ACADS: variants seen among roughly 807,000 people sequenced by gnomAD.
ACADS encodes the protein acyl-CoA dehydrogenase short chain.
A neutral mutation model predicts 46.8 loss-of-function variants in ACADS; 28 were observed. The ratio of observed to expected loss-of-function variants is 0.60; its 90% CI spans 0.44 to 0.82. The LOEUF (loss-of-function observed/expected upper bound fraction) is 0.82. Ranked by LOEUF, ACADS falls within the 40% of genes least tolerant of loss-of-function variation. The pLI, the probability that ACADS is intolerant of heterozygous loss-of-function variation, is 0.00. For synonymous variants in ACADS, 236 were observed against 237.7 expected (o/e 0.99, Z 0.07); for missense variants, 528 against 578.0 (o/e 0.91, Z 0.89).
At chr12:120,729,296 C>T (rs1182799122) in intron 2 of ACADS, among the ~76,000 whole-genome samples, 2 of 146,218 alleles carry the variant, frequency 1.4e-5, no homozygotes, top group Non-Finnish European at 3.0e-5. Context: ...CTCACTCTGT[C>T]CCCCAGGCTG....
intron 2 of ACADS, among the ~76,000 whole-genome samples, chr12:120,733,590 AAATGGTG>A: frequency 5.8e-5 from 3 of 51,840 alleles, no homozygotes; most frequent in East Asian, 6.8e-4. Context: ...GTGCCTGCTG[AAATGGTG>A]CCTGCTGAAA....
intron 2 of ACADS, among the ~76,000 whole-genome samples, 197 bp from the exon 3 acceptor site, chr12:120,736,789 A>G (rs1205240782): frequency 3.9e-5 from 6 of 152,080 alleles, no homozygotes; most frequent in Non-Finnish European, 7.4e-5. Context: ...GACAGCTTGA[A>G]TGAGAAGTGC....
At chr12:120,726,773 G>GCGGCC (rs1156867509) in intron 1 of ACADS, among the ~76,000 whole-genome samples, 4 of 152,336 alleles carry the variant, frequency 2.6e-5, no homozygotes, top group Admixed American at 6.5e-5. Context: ...GGCCGCCATG[G>GCGGCC]ACATTTTGGG....
At position 120,739,798 on chromosome 12, in the gene ACADS, G is replaced by T. The variant is rs1883601867; in HGVS notation, c.*350G>T. The T allele has an allele frequency of 5.9e-6, 2 of 341,248 alleles. No individual in the cohort carries two copies. Among genetic ancestry groups the T allele is most frequent in the African/African-American group, 2.1e-5 (1 of 47,414 alleles). 21.1% of individuals were successfully genotyped at this position (341,248 alleles called of 1,614,324 possible). Reference sequence around the variant, plus strand: ...TGAAGGCCCAGTGCGACAGGCCCTTGGTGGGGTCTGTCTTTTCCTTGAGGT... The same window carrying T: ...TGAAGGCCCAGTGCGACAGGCCCTTTGTGGGGTCTGTCTTTTCCTTGAGGT... On this transcript the variant is annotated 3_prime_UTR_variant, in exon 10 of 10. Transcript: ENST00000242592.
rs2136951183 is a variant in ACADS, at chr12:120,739,368, A to G, written c.1159A>G (p.Ile387Val). 2.5e-6 allele frequency: 4 copies of G among 1,612,980 alleles called. No homozygotes were observed. Among genetic ancestry groups the G allele is most frequent in the Admixed American group, 3.3e-5 (2 of 59,998 alleles). The change falls in exon 10 of 10, where the codon ATC becomes GTC. Residue 387 changes from isoleucine to valine, a missense_variant. Ile to Val is a conservative substitution (Grantham distance 29, BLOSUM62 3). Transcript: ENST00000242592. The part of the protein sequence containing the change: ...PAERHYRDAR[I>V]TEIYEGTSEI... ...AGAGCGGCACTACCGCGACGCCCGC[A>G]TCACTGAGATCTACGAGGGCACCAG...
At position 120,728,514 on chromosome 12, in the gene ACADS, T is replaced by A. The variant is rs867319680; in HGVS notation, c.210+1325T>A. On this transcript the variant is annotated intron_variant, in intron 2 of 9. Coordinates refer to ENST00000242592, the MANE Select transcript of ACADS (RefSeq NM_000017.4). This position sits in a 1 kb window ranked among gnomAD's most constrained non-coding sequence, Gnocchi z 4.0. The stretch of plus-strand genomic sequence containing the variant: ...TTAATTTTAATTTATTTTTTATTTT[T>A]AAAAATTTTTTGAGACAGTCTTGCT... Among the ~76,000 whole-genome samples, 5 of 151,834 alleles carry A rather than the reference T, an allele frequency of 3.3e-5. No individual in the cohort carries two copies. Among genetic ancestry groups the A allele is most frequent in the Non-Finnish European group, 5.9e-5 (4 of 67,976 alleles).
chr12:120,736,834 C>A, intron 2 of ACADS, 152 bp from the exon 3 acceptor site: 2 of 996,004 alleles, frequency 2.0e-6, no homozygotes, highest in Non-Finnish European at 2.9e-6. Context: ...GGGTCTTCAG[C>A]TTCTGGACTT....
At chr12:120,738,493 G>T in intron 6 of ACADS, 40 bp from the exon 7 acceptor site, 1 of 1,605,522 alleles carries the variant, frequency 6.2e-7, no homozygotes, top group Middle Eastern at 1.7e-4. Flanking sequence ...CCAGGCCCGC[G>T]CCCCGGCTGG....
In ACADS at chr12:120,725,900, G is replaced by A; in HGVS notation, c.15G>A (p.Leu5=). MAAA[L]LARASGPARR... is the part of the protein sequence containing the mutation. ...GTCTGTCGCCCATGGCCGCCGCGCTGCTCGCCCGGGCCTCGGGCCCTGCCC... is the reference window on the plus strand; with the variant it reads ...GTCTGTCGCCCATGGCCGCCGCGCTACTCGCCCGGGCCTCGGGCCCTGCCC... The change falls in exon 1 of 10, where the codon CTG becomes CTA. Residue 5 remains leucine (L), a synonymous_variant. Transcript: ENST00000242592. 6.4e-7 allele frequency: 1 copy of A among 1,556,210 alleles called. No homozygotes were observed. Among genetic ancestry groups the A allele is most frequent in the East Asian group, 2.4e-5 (1 of 41,934 alleles).
intron 3 of ACADS, 41 bp from the exon 4 acceptor site, chr12:120,737,315 C>A: frequency 6.3e-7 from 1 of 1,595,852 alleles, no homozygotes. Flanking sequence ...CAGGATGCGC[C>A]TGGGCCTGGG....
rs1322896033 is a variant in ACADS, at chr12:120,739,397, A to C, written c.1188A>C (p.Glu396Asp). The C allele has an allele frequency of 3.7e-5, 59 of 1,612,404 alleles. No homozygotes were observed. In the African/African-American group the frequency reaches 4.0e-4, roughly 11 times the overall value. ...RITEIYEGTS[E>D]IQRLVIAGHL... ...CTGAGATCTACGAGGGCACCAGCGA[A>C]ATCCAGCGGCTGGTGATCGCCGGGC... The change falls in exon 10 of 10, where the codon GAA (glutamate) becomes GAC (aspartate). Residue 396 changes from glutamate to aspartate, a missense_variant. Physicochemically the swap from Glu to Asp is conservative, Grantham distance 45. Transcript: ENST00000242592.
intron 2 of ACADS, among the ~76,000 whole-genome samples, chr12:120,734,783 G>C (rs888791205): frequency 7.2e-6 from 1 of 139,582 alleles, no homozygotes; most frequent in Non-Finnish European, 1.5e-5. Flanking sequence ...ACAGATTCTC[G>C]CTCTGTCGCC....
intron 2 of ACADS, among the ~76,000 whole-genome samples, chr12:120,732,009 C>T (rs181479882): frequency 2.0e-5 from 3 of 152,362 alleles, no homozygotes; most frequent in Admixed American, 6.5e-5. Context: ...TAGTACAGAA[C>T]GAAATGAAGT....
chr12:120,738,698 C>T, intron 7 of ACADS, 28 bp downstream of exon 7: 1 of 1,610,132 alleles, frequency 6.2e-7, no homozygotes, highest in Non-Finnish European at 8.5e-7. Flanking sequence ...AGGAGCTGGG[C>T]CTAGAGGCTG....
intron 2 of ACADS, among the ~76,000 whole-genome samples, chr12:120,730,970 CAG>C: frequency 6.6e-6 from 1 of 152,072 alleles, no homozygotes; most frequent in Non-Finnish European, 1.5e-5. Context: ...TTTTTTGAGA[CAG>C]GGCCTCACTG....
rs1408502486 is a variant in ACADS at position 120,727,027 on chromosome 12, T to A, written c.48T>A (p.Ala16=). The change falls in exon 2 of 10, where the codon GCT becomes GCA. Residue 16 remains alanine (A), a splice_region_variant and synonymous_variant. Transcript: ENST00000242592. The part of the protein sequence containing the change: ...LARASGPARR[A]LCPRAWRQLH... ...ACTCACTTCTGCCCTTGCCGGCAGC[T>A]CTCTGTCCTAGGGCCTGGCGGCAGT... The A allele has an allele frequency of 1.2e-6, 2 of 1,614,128 alleles. No individual in the cohort carries two copies. The highest frequency in any genetic ancestry group is 1.7e-6 in the Non-Finnish European group (2 of 1,180,022).
At chr12:120,736,170 T>C (rs181287762) in intron 2 of ACADS, among the ~76,000 whole-genome samples, 1 of 151,860 alleles carries the variant, frequency 6.6e-6, no homozygotes, top group East Asian at 1.9e-4. Context: ...TTGGTAGAGA[T>C]GGGGTCTTGC....
At position 120,725,891 on chromosome 12, in the gene ACADS, C is replaced by A; in HGVS notation, c.6C>A (p.Ala2=). ...TGGGACTGTGTCTGTCGCCCATGGC[C>A]GCCGCGCTGCTCGCCCGGGCCTCGG... M[A]AALLARASGP... The change falls in exon 1 of 10, where the codon GCC becomes GCA. Residue 2 remains alanine (A), a synonymous_variant. Transcript: ENST00000242592. 6.4e-7 allele frequency: 1 copy of A among 1,554,320 alleles called. No individual in the cohort carries two copies. Among genetic ancestry groups the A allele is most frequent in the South Asian group, 1.2e-5 (1 of 85,204 alleles).
chr12:120,737,493 C>A lies in ACADS; in HGVS notation c.472+26C>A, dbSNP rs747813161. 1.9e-6 allele frequency: 3 copies of A among 1,584,628 alleles called. No individual in the cohort carries two copies. In the East Asian group the frequency reaches 6.7e-5, roughly 35 times the overall value. On this transcript the variant is annotated intron_variant, in intron 4 of 9. Transcript: ENST00000242592. ...GTACCTGCCCTGTCCCCTCACCTGT[C>A]CTTAGGGTGACAGGCCCAGAGGGGA...
Sources: allele counts gnomAD v4.1 joint callset (sites outside exome capture counted in the v4.1 genomes callset), GRCh38; gene constraint gnomAD v4.1.1; non-coding constraint Gnocchi (gnomAD v3.1); transcripts MANE v1.5; gene names NCBI Gene and HGNC (gene_info 2026-07-23, HGNC 2026-07-21).